The following NWD2 variants were observed in gnomAD, a reference collection of about 807,000 sequenced individuals.
NWD2 encodes NACHT and WD repeat domain containing 2, also known as NACHT and WD repeat domain-containing protein 2.
NWD2 carries 37 observed loss-of-function variants against 132.7 expected under a neutral mutation model. That is an observed-to-expected ratio of 0.28 (90% CI 0.21 to 0.37). The LOEUF (loss-of-function observed/expected upper bound fraction) is 0.37. Ranked by LOEUF, NWD2 falls within the 10% of genes least tolerant of loss-of-function variation. The pLI is 1.00. For synonymous variants in NWD2, 705 were observed against 803.0 expected, an observed-to-expected ratio of 0.88 and a Z score of 2.06; for missense variants, 1,592 against 2,122.4, an observed-to-expected ratio of 0.75 and a Z score of 4.91.
At chr4:37,391,523 T>C (rs1184949012) in intron 3 of NWD2, among the ~76,000 whole-genome samples, 1 of 152,242 alleles carries the variant, frequency 6.6e-6, no homozygotes, top group Non-Finnish European at 1.5e-5. Flanking sequence ...ATAATTGTCT[T>C]GTTTAAATTA....
intron 1 of NWD2, among the ~76,000 whole-genome samples, chr4:37,298,045 A>G (rs1160880117): frequency 6.6e-6 from 1 of 152,168 alleles, no homozygotes; most frequent in African/African-American, 2.4e-5. Flanking sequence ...AGAGATGCTC[A>G]GAAAGGAGGT....
At chr4:37,275,625 C>T (rs1560382757) in intron 1 of NWD2, among the ~76,000 whole-genome samples, 1 of 152,144 alleles carries the variant, frequency 6.6e-6, no homozygotes, top group Non-Finnish European at 1.5e-5. Context: ...CCAAGTCAAT[C>T]CTAAGCCAAA....
chr4:37,355,117 T>A (rs896387294), intron 2 of NWD2, among the ~76,000 whole-genome samples: 9 of 152,210 alleles, frequency 5.9e-5, no homozygotes, highest in African/African-American at 2.2e-4. Context: ...CTGAATTTTT[T>A]AATTTTTACT....
At chr4:37,368,144 G>A (rs1481082132) in intron 3 of NWD2, among the ~76,000 whole-genome samples, 1 of 152,092 alleles carries the variant, frequency 6.6e-6, no homozygotes, top group Non-Finnish European at 1.5e-5. Context: ...GTTGCCGCAG[G>A]CTTTAGTAAG....
intron 3 of NWD2, among the ~76,000 whole-genome samples, chr4:37,397,788 C>CCT (rs113226816): frequency 0.014 from 2,024 of 148,752 alleles, 42 homozygotes; most frequent in African/African-American, 0.038. Flanking sequence ...CTGGGAACAG[C>CCT]CTCTCTCTCT....
At chr4:37,343,369 C>A (rs1719569726) in intron 2 of NWD2, among the ~76,000 whole-genome samples, 1 of 152,206 alleles carries the variant, frequency 6.6e-6, no homozygotes, top group African/African-American at 2.4e-5. Flanking sequence ...TTAGTGGTAG[C>A]AGATGTTAAT....
At chr4:37,377,180 G>C (rs1406999564) in intron 3 of NWD2, among the ~76,000 whole-genome samples, 1 of 152,172 alleles carries the variant, frequency 6.6e-6, no homozygotes, top group Non-Finnish European at 1.5e-5. Context: ...GCAGATGCAA[G>C]AGTAGGGACC....
intron 1 of NWD2, among the ~76,000 whole-genome samples, chr4:37,320,057 G>C (rs754989014): frequency 1.3e-5 from 2 of 152,180 alleles, no homozygotes; most frequent in Non-Finnish European, 2.9e-5. Context: ...TCTGTAGATT[G>C]CTTTAGGCAG....
intron 3 of NWD2, among the ~76,000 whole-genome samples, chr4:37,423,059 C>T (rs1036786655): frequency 2.0e-5 from 3 of 151,732 alleles, no homozygotes; most frequent in Non-Finnish European, 4.4e-5. Flanking sequence ...TCATGGATAT[C>T]TGGATAATTG....
chr4:37,447,075 TCTTTG>T lies in NWD2; in HGVS notation c.5089_5093del (p.Phe1697LysfsTer8). 1 of 1,551,632 alleles carries T rather than the reference TCTTTG, an allele frequency of 6.4e-7. No individual in the cohort carries two copies. Among genetic ancestry groups the T allele is most frequent in the Non-Finnish European group, 8.7e-7 (1 of 1,146,996 alleles). The stretch of plus-strand genomic sequence containing the variant: ...TGCTTATGGAGAGAGTCCACTGAGG[TCTTTG>T]CAAGAGACAGCCCCATCACAGTTAG... On this transcript the variant is annotated frameshift_variant, in exon 7 of 7. Coordinates refer to ENST00000309447, the MANE Select transcript of NWD2 (RefSeq NM_001144990.2). LOFTEE classifies it high-confidence loss of function.
At chr4:37,293,440 C>T (rs1170619329) in intron 1 of NWD2, among the ~76,000 whole-genome samples, 1 of 152,190 alleles carries the variant, frequency 6.6e-6, no homozygotes, top group Non-Finnish European at 1.5e-5. Flanking sequence ...TAAAGCAAAT[C>T]AAAACCATGC....
intron 1 of NWD2, among the ~76,000 whole-genome samples, chr4:37,277,499 T>A (rs1577653095): frequency 6.6e-6 from 1 of 152,116 alleles, no homozygotes; most frequent in African/African-American, 2.4e-5. Context: ...TTTCACTGAT[T>A]ATTTTTATTC....
At chr4:37,259,039 C>T (rs1473201053) in intron 1 of NWD2, among the ~76,000 whole-genome samples, 1 of 152,220 alleles carries the variant, frequency 6.6e-6, no homozygotes, top group Non-Finnish European at 1.5e-5. Context: ...TCTCTGCTAG[C>T]ACCTGCACCT....
At chr4:37,355,711 C>A (rs1288407710) in intron 2 of NWD2, among the ~76,000 whole-genome samples, 1 of 152,182 alleles carries the variant, frequency 6.6e-6, no homozygotes, top group African/African-American at 2.4e-5. Context: ...CTGCCAGAAT[C>A]TTCCTTAGTA....
intron 1 of NWD2, among the ~76,000 whole-genome samples, chr4:37,279,900 C>T (rs1042493351): frequency 2.0e-4 from 30 of 152,312 alleles, no homozygotes; most frequent in Admixed American, 3.9e-4. Context: ...CTTCCTTTAT[C>T]ATTTCATAAT....
chr4:37,442,648 C>A (rs1406621529), intron 6 of NWD2, among the ~76,000 whole-genome samples: 1 of 152,072 alleles, frequency 6.6e-6, no homozygotes, highest in African/African-American at 2.4e-5. Flanking sequence ...TTTTAACCAC[C>A]ATTCTGTGGA....
intron 2 of NWD2, among the ~76,000 whole-genome samples, chr4:37,329,000 G>A (rs948849790): frequency 6.6e-6 from 1 of 151,538 alleles, no homozygotes; most frequent in Non-Finnish European, 1.5e-5. Context: ...TGGCACATTG[G>A]AAAATGCTAT....
intron 2 of NWD2, among the ~76,000 whole-genome samples, chr4:37,348,675 T>TATATATACACACACACACACAC (rs1308407988): frequency 4.4e-5 from 1 of 22,574 alleles, no homozygotes; most frequent in African/African-American, 1.8e-4. Flanking sequence ...TATATATATA[T>TATATATACACACACACACACAC]ACACACACAC....
chr4:37,264,306 A>G (rs1198082216), intron 1 of NWD2, among the ~76,000 whole-genome samples: 7 of 152,206 alleles, frequency 4.6e-5, no homozygotes, highest in African/African-American at 1.7e-4. Context: ...AGAAGAGCTT[A>G]CTTTCCATTT....
Sources: gnomAD v4.1 joint callset for allele counts (sites outside exome capture counted in the v4.1 genomes callset) on GRCh38, gnomAD v4.1.1 for gene constraint, MANE v1.5 for transcripts, NCBI Gene and HGNC (gene_info 2026-07-23, HGNC 2026-07-21) for gene names.